BRCC3: variants seen among roughly 807,000 people sequenced by gnomAD.
BRCC3 encodes the protein BRCA1/BRCA2-containing complex subunit 3, also known as lys-63-specific deubiquitinase BRCC36.
A neutral mutation model predicts 28.0 loss-of-function variants in BRCC3; 15 were observed. The ratio of observed to expected loss-of-function variants is 0.54; its 90% CI spans 0.36 to 0.82. The LOEUF (loss-of-function observed/expected upper bound fraction) is 0.82, where lower values mean the gene tolerates loss of function less well. Ranked by LOEUF, BRCC3 falls within the 40% of genes least tolerant of loss-of-function variation. The pLI is 0.01. For synonymous variants in BRCC3, 66 were observed against 80.3 expected (o/e 0.82, Z 0.95); for missense variants, 109 against 225.9 (o/e 0.48, Z 3.32).
intron 7 of BRCC3, among the ~76,000 whole-genome samples, chrX:155,103,148 C>T (rs1317238802): frequency 8.9e-6 from 1 of 112,564 alleles, no homozygotes; most frequent in African/African-American, 3.2e-5. Context: ...TTCTCGCCTC[C>T]TGGCCTTTGT....
chrX:155,092,240 T>C (rs1443834007), intron 7 of BRCC3, among the ~76,000 whole-genome samples: 1 of 112,167 alleles, frequency 8.9e-6, no homozygotes, highest in Non-Finnish European at 1.9e-5. Flanking sequence ...AATGTAGTTA[T>C]GTTACTATTT....
chrX:155,079,162 C>T (rs1160441251), intron 5 of BRCC3, among the ~76,000 whole-genome samples: 2 of 111,466 alleles, frequency 1.8e-5, no homozygotes, highest in Non-Finnish European at 3.8e-5. Context: ...TCCGTATCTG[C>T]GTCTCCAGAA....
chrX:155,086,412 G>A (rs782439490), intron 5 of BRCC3, among the ~76,000 whole-genome samples: 46 of 111,478 alleles, frequency 4.1e-4, no homozygotes, highest in African/African-American at 3.3e-4. Flanking sequence ...GCGATGGCGC[G>A]CCCTCTCAGG....
chrX:155,071,606 C>T lies in BRCC3; in HGVS notation c.79C>T (p.Leu27=). Reference sequence around the variant, plus strand: ...TTTCCTCGTTTGTCTCAACCACGCTCTGAGCACAGAGAAGGAGGAAGTAAT... The same window carrying T: ...TTTCCTCGTTTGTCTCAACCACGCTTTGAGCACAGAGAAGGAGGAAGTAAT... ...DAFLVCLNHA[L]STEKEEVMGL... is the part of the protein sequence containing the mutation. Residue 27 remains leucine (L), a synonymous_variant, in exon 1 of 11, where the codon CTG becomes TTG. Coordinates refer to ENST00000330045, the MANE Select transcript of BRCC3 (RefSeq NM_001018055.3). 8.3e-7 allele frequency: 1 copy of T among 1,210,578 alleles called. No individual in the cohort carries two copies. The highest frequency in any genetic ancestry group is 1.1e-6 in the Non-Finnish European group (1 of 894,744).
chrX:155,100,260 A>G (rs1005513982), intron 7 of BRCC3, among the ~76,000 whole-genome samples: 12 of 112,155 alleles, frequency 1.1e-4, no homozygotes, highest in African/African-American at 2.9e-4. Flanking sequence ...TTACATAACC[A>G]GAATATCATT....
intron 6 of BRCC3, among the ~76,000 whole-genome samples, chrX:155,090,130 C>G (rs1425206666): frequency 8.9e-6 from 1 of 111,902 alleles, no homozygotes; most frequent in Non-Finnish European, 1.9e-5. Context: ...AGTATTATTC[C>G]CATTTTATGA....
intron 7 of BRCC3, among the ~76,000 whole-genome samples, chrX:155,109,854 A>G (rs1388581028): frequency 1.8e-5 from 2 of 111,693 alleles, no homozygotes; most frequent in East Asian, 2.8e-4. Context: ...AAATTTCCCA[A>G]TTATCTCTGG....
chrX:155,074,783 A>G (rs782212943), intron 3 of BRCC3, among the ~76,000 whole-genome samples: 6 of 112,000 alleles, frequency 5.4e-5, no homozygotes, highest in African/African-American at 1.6e-4. Context: ...TGCATAGTGT[A>G]TTTTTTATCC....
At chrX:155,075,291 C>CCCCTGAAACTCTTCCT (rs374660889) in intron 3 of BRCC3, among the ~76,000 whole-genome samples, 1 of 105,281 alleles carries the variant, frequency 9.5e-6, no homozygotes, top group Admixed American at 1.0e-4. Context: ...CCCACTCTTT[C>CCCCTGAAACTCTTCCT]CCCTGGCCCT....
chrX:155,095,195 A>C (rs2074201709), intron 7 of BRCC3, among the ~76,000 whole-genome samples: 1 of 112,360 alleles, frequency 8.9e-6, no homozygotes, highest in East Asian at 2.8e-4. Flanking sequence ...ATAGCTGTAC[A>C]GTGTGTTTTA....
At chrX:155,083,649 C>T (rs1318038869) in intron 5 of BRCC3, among the ~76,000 whole-genome samples, 1 of 112,230 alleles carries the variant, frequency 8.9e-6, no homozygotes, top group Non-Finnish European at 1.9e-5. Context: ...GAAACACGGT[C>T]CCTGCCTTCA....
intron 7 of BRCC3, among the ~76,000 whole-genome samples, chrX:155,109,296 G>A (rs1184649403): frequency 3.6e-5 from 4 of 111,025 alleles, no homozygotes; most frequent in African/African-American, 1.3e-4. Context: ...GCTATTCTTC[G>A]CCCTTTGTAG....
At chrX:155,084,103 C>T (rs2074103054) in intron 5 of BRCC3, among the ~76,000 whole-genome samples, 1 of 112,390 alleles carries the variant, frequency 8.9e-6, no homozygotes, top group Non-Finnish European at 1.9e-5. Flanking sequence ...AGTTCAGTTA[C>T]ATCATACACA....
At chrX:155,089,724 T>G (rs1425013373) in intron 6 of BRCC3, among the ~76,000 whole-genome samples, 3 of 111,777 alleles carry the variant, frequency 2.7e-5, no homozygotes, top group African/African-American at 9.8e-5. Flanking sequence ...CTTGGAAGTG[T>G]CCCAGTTTGA....
chrX:155,073,750 C>G (rs1330600126), intron 3 of BRCC3, among the ~76,000 whole-genome samples: 1 of 111,253 alleles, frequency 9.0e-6, no homozygotes, highest in Non-Finnish European at 1.9e-5. Context: ...TCACTATTAC[C>G]TCTTTATCTC....
intron 7 of BRCC3, among the ~76,000 whole-genome samples, chrX:155,108,988 C>T (rs895349304): frequency 8.9e-6 from 1 of 111,822 alleles, no homozygotes; most frequent in Non-Finnish European, 1.9e-5. Flanking sequence ...GTGCTTAAAT[C>T]TACAATCTAC....
At position 155,113,230 on chromosome X, in the gene BRCC3, C is replaced by T. The variant is rs1049953080; in HGVS notation, c.549-2827C>T. The stretch of plus-strand genomic sequence containing the variant: ...GGACCTTGAATAGCCAAAACAAGTT[C>T]GAAAAAGAACCAATTTGGGCAATTC... On this transcript the variant is annotated intron_variant, in intron 7 of 10. Transcript: ENST00000330045. 5.1e-5 allele frequency among the ~76,000 whole-genome samples: 5 copies of T among 98,257 alleles called. No homozygotes were observed. The East Asian group carries it at 1.3e-3, about 25-fold the overall frequency. 85.3% of individuals were successfully genotyped at this position (98,257 alleles called of 115,157 possible).
intron 5 of BRCC3, among the ~76,000 whole-genome samples, chrX:155,083,165 T>G (rs1455291533): frequency 2.7e-5 from 3 of 112,445 alleles, no homozygotes; most frequent in Non-Finnish European, 5.6e-5. Flanking sequence ...AGCCTGTCCA[T>G]TTGTTGAACA....
intron 7 of BRCC3, among the ~76,000 whole-genome samples, chrX:155,091,372 T>G (rs1393827992): frequency 9.1e-6 from 1 of 110,088 alleles, no homozygotes; most frequent in African/African-American, 3.3e-5. Context: ...CCCGGGTTCA[T>G]GCATTTCTCC....
Sources: gnomAD v4.1 joint callset for allele counts (sites outside exome capture counted in the v4.1 genomes callset) on GRCh38, gnomAD v4.1.1 for gene constraint, MANE v1.5 for transcripts, NCBI Gene and HGNC (gene_info 2026-07-23, HGNC 2026-07-21) for gene names.